The following GAB2 variants were observed in gnomAD, a reference collection of about 807,000 sequenced individuals.
GAB2 encodes GRB2-associated-binding protein 2.
A neutral mutation model predicts 65.5 loss-of-function variants in GAB2; 26 were observed. The ratio of observed to expected loss-of-function variants is 0.40; its 90% CI spans 0.29 to 0.55. GAB2 has a LOEUF of 0.55. GAB2 is among the 20% of genes least tolerant of loss of function. The pLI is 0.53. For synonymous variants in GAB2, 321 were observed against 329.6 expected (o/e 0.97, Z 0.28); for missense variants, 884 against 875.8 (o/e 1.01, Z -0.12).
chr11:78,264,064 C>T (rs1340926992), intron 2 of GAB2, among the ~76,000 whole-genome samples: 2 of 152,246 alleles, frequency 1.3e-5, no homozygotes, highest in Middle Eastern at 3.4e-3. Context: ...TGAAAAAGGT[C>T]TGAATTATTA....
intron 1 of GAB2, among the ~76,000 whole-genome samples, chr11:78,347,740 T>G (rs1478478227): frequency 6.6e-6 from 1 of 151,980 alleles, no homozygotes; most frequent in Admixed American, 6.6e-5. Flanking sequence ...GCATAAATCA[T>G]AAAAGAAAAA....
chr11:78,360,558 T>C (rs1342369097), intron 1 of GAB2, among the ~76,000 whole-genome samples: 2 of 152,142 alleles, frequency 1.3e-5, no homozygotes, highest in East Asian at 1.9e-4. Context: ...ATAAACTCAG[T>C]AAAAACACCA....
intron 1 of GAB2, among the ~76,000 whole-genome samples, chr11:78,385,005 T>C (rs1856747916): frequency 6.6e-6 from 1 of 152,194 alleles, no homozygotes; most frequent in Non-Finnish European, 1.5e-5. Context: ...TAATGCAGGA[T>C]ATCTATGAGA....
chr11:78,240,237 C>T (rs1865090889), intron 3 of GAB2, among the ~76,000 whole-genome samples: 1 of 152,090 alleles, frequency 6.6e-6, no homozygotes, highest in Non-Finnish European at 1.5e-5. Flanking sequence ...AATATGGTTC[C>T]CTGCATTCCA....
At chr11:78,399,666 G>A (rs1182323146) in intron 1 of GAB2, among the ~76,000 whole-genome samples, 1 of 152,152 alleles carries the variant, frequency 6.6e-6, no homozygotes, top group Non-Finnish European at 1.5e-5. Flanking sequence ...TCCAGGTATG[G>A]CTCAAATTTG....
intron 1 of GAB2, among the ~76,000 whole-genome samples, chr11:78,293,181 T>C (rs1351264915): frequency 2.0e-5 from 3 of 152,216 alleles, no homozygotes; most frequent in African/African-American, 7.2e-5. Context: ...GAGAGCAGCA[T>C]AGTTAACTGT....
intron 2 of GAB2, among the ~76,000 whole-genome samples, chr11:78,262,287 G>C (rs1298328253): frequency 6.6e-6 from 1 of 152,190 alleles, no homozygotes; most frequent in African/African-American, 2.4e-5. Context: ...GTGAAACCTA[G>C]GGATGGTACC....
chr11:78,232,562 A>T (rs1294038104), intron 3 of GAB2, among the ~76,000 whole-genome samples: 1 of 152,244 alleles, frequency 6.6e-6, no homozygotes, highest in Non-Finnish European at 1.5e-5. Flanking sequence ...TACTTATTTT[A>T]GCTCAGTGGA....
intron 2 of GAB2, among the ~76,000 whole-genome samples, chr11:78,261,998 G>A (rs1865747403): frequency 6.6e-6 from 1 of 152,156 alleles, no homozygotes; most frequent in Non-Finnish European, 1.5e-5. Flanking sequence ...TCCTTTCACA[G>A]TGACTCTGAG....
chr11:78,289,854 A>G (rs984017206), intron 1 of GAB2, among the ~76,000 whole-genome samples: 4 of 141,122 alleles, frequency 2.8e-5, no homozygotes, highest in Non-Finnish European at 4.5e-5. Context: ...TACAACATAC[A>G]GTATGACCAA....
chr11:78,226,851 G>T lies in GAB2; in HGVS notation c.821C>A (p.Ser274Tyr). 6.2e-7 allele frequency: 1 copy of T among 1,614,022 alleles called. No individual in the cohort carries two copies. The highest frequency in any genetic ancestry group is 8.5e-7 in the Non-Finnish European group (1 of 1,179,884). Residue 274 changes from serine (S) to tyrosine (Y), a missense_variant, in exon 4 of 10, where the codon TCC becomes TAC. Transcript: ENST00000361507. Reference protein sequence around the residue: ...STYDLPRSLASHGHTKGSLTG... With the variant: ...STYDLPRSLAYHGHTKGSLTG... ...GAGGCTGCCCTTGGTGTGGCCATGG[G>T]AGGCCAGGCTGCGGGGGAGGTCGTA...
At chr11:78,387,325 A>G (rs937467950) in intron 1 of GAB2, among the ~76,000 whole-genome samples, 3 of 152,212 alleles carry the variant, frequency 2.0e-5, no homozygotes, top group Non-Finnish European at 2.9e-5. Context: ...ATGTACTAGC[A>G]TTGGTCAAGG....
chr11:78,390,048 T>C (rs926822525), intron 1 of GAB2, among the ~76,000 whole-genome samples: 1 of 152,228 alleles, frequency 6.6e-6, no homozygotes, highest in Non-Finnish European at 1.5e-5. Context: ...GTACAGTTTA[T>C]GTTAACACTA....
chr11:78,309,971 T>TGTGCGCGCGCGCGCGC (rs1421836447), intron 1 of GAB2, among the ~76,000 whole-genome samples: 1 of 120,090 alleles, frequency 8.3e-6, no homozygotes, highest in African/African-American at 3.6e-5. Flanking sequence ...TGTGTGTGTG[T>TGTGCGCGCGCGCGCGC]GCGCGCGCGC....
chr11:78,283,823 G>T (rs1360052137), intron 1 of GAB2, among the ~76,000 whole-genome samples: 2 of 151,250 alleles, frequency 1.3e-5, no homozygotes, highest in African/African-American at 2.4e-5. Flanking sequence ...TCCAGTGCTG[G>T]CTCCTCTTCA....
At chr11:78,343,520 A>G (rs1244627016) in intron 1 of GAB2, among the ~76,000 whole-genome samples, 2 of 152,194 alleles carry the variant, frequency 1.3e-5, no homozygotes, top group African/African-American at 2.4e-5. Flanking sequence ...ATGGAAATAG[A>G]TGGGATTATA....
Position 78,226,545 on chromosome 11 carries a change from C to T in GAB2, c.1127G>A (p.Ser376Asn). 1.3e-6 allele frequency: 2 copies of T among 1,502,722 alleles called. No homozygotes were observed. Among genetic ancestry groups the T allele is most frequent in the Non-Finnish European group, 1.8e-6 (2 of 1,115,922 alleles). 93.1% of individuals were successfully genotyped at this position (1,502,722 alleles called of 1,614,324 possible). The change falls in exon 4 of 10, where the codon AGT becomes AAT. Residue 376 changes from serine (S) to asparagine (N), a missense_variant. Ser to Asn is a conservative substitution (Grantham distance 46, BLOSUM62 1). Coordinates refer to ENST00000361507, the MANE Select transcript of GAB2 (RefSeq NM_080491.3). ...GGCAGCGACAGATCTGCTATTTTCA[C>T]TGATTGGCGGTCTCTGCTGAGGACT... ...WGSPQQRPPISENSRSVAATI... is the reference protein window; with the variant it reads ...WGSPQQRPPINENSRSVAATI...
chr11:78,387,380 C>T (rs934903285), intron 1 of GAB2, among the ~76,000 whole-genome samples: 8 of 152,088 alleles, frequency 5.3e-5, no homozygotes, highest in East Asian at 1.9e-4. Flanking sequence ...GTCTAGGGTA[C>T]GATGTTCTTG....
At chr11:78,252,862 C>G (rs1865493325) in intron 2 of GAB2, among the ~76,000 whole-genome samples, 1 of 152,140 alleles carries the variant, frequency 6.6e-6, no homozygotes. Context: ...GGTCCATCAT[C>G]ACCAGCCAAT....
Sources: allele counts gnomAD v4.1 joint callset (sites outside exome capture counted in the v4.1 genomes callset), GRCh38; gene constraint gnomAD v4.1.1; transcripts MANE v1.5; gene names NCBI Gene and HGNC (gene_info 2026-07-23, HGNC 2026-07-21).